The following GNA14 variants were observed in gnomAD, a reference collection of about 807,000 sequenced individuals.
The protein encoded by GNA14 is G protein subunit alpha 14.
Under a neutral mutation model 42.0 loss-of-function variants are expected in GNA14, and 50 were observed. That is an observed-to-expected ratio of 1.19 (90% CI 0.95 to 1.51). GNA14 has a LOEUF of 1.51. GNA14 is among the 40% of genes most tolerant of loss of function. The pLI is 0.00. For synonymous variants in GNA14, 173 were observed against 163.1 expected (o/e 1.06, Z -0.46); for missense variants, 473 against 446.2 (o/e 1.06, Z -0.54).
chr9:77,430,466 T>G (rs945585543), intron 4 of GNA14, among the ~76,000 whole-genome samples: 15 of 152,192 alleles, frequency 9.9e-5, no homozygotes, highest in African/African-American at 3.6e-4. Flanking sequence ...TTAGAGAAAT[T>G]CATGGGCACA....
chr9:77,618,383 A>T (rs1037437883), intron 1 of GNA14, among the ~76,000 whole-genome samples: 2 of 151,650 alleles, frequency 1.3e-5, no homozygotes, highest in African/African-American at 4.8e-5. Flanking sequence ...CTAGAATTTC[A>T]GATCTAAGGT....
intron 2 of GNA14, among the ~76,000 whole-genome samples, chr9:77,488,012 T>C (rs1350034346): frequency 6.6e-6 from 1 of 152,120 alleles, no homozygotes; most frequent in East Asian, 1.9e-4. Context: ...AAAAAGGTCA[T>C]TGATAATGTG....
chr9:77,452,581 T>TGTG (rs1835924718), intron 2 of GNA14, among the ~76,000 whole-genome samples: 2 of 2,406 alleles, frequency 8.3e-4, no homozygotes, highest in Non-Finnish European at 2.0e-3. Context: ...TATGTGCATG[T>TGTG]GTATGTGTGT....
intron 1 of GNA14, among the ~76,000 whole-genome samples, chr9:77,637,304 C>G (rs1393121872): frequency 6.6e-6 from 1 of 152,156 alleles, no homozygotes; most frequent in African/African-American, 2.4e-5. Flanking sequence ...ATCACTGTCT[C>G]CTTTACCTTG....
chr9:77,534,406 A>C (rs1587821149), intron 1 of GNA14, among the ~76,000 whole-genome samples: 1 of 152,180 alleles, frequency 6.6e-6, no homozygotes, highest in Non-Finnish European at 1.5e-5. Context: ...AAGCAACATA[A>C]ATCTTTCCCA....
intron 2 of GNA14, among the ~76,000 whole-genome samples, chr9:77,463,630 A>T (rs964601209): frequency 2.6e-5 from 4 of 152,250 alleles, no homozygotes; most frequent in African/African-American, 9.6e-5. Context: ...CAAAGAACAC[A>T]TGTAGTTTCT....
intron 2 of GNA14, among the ~76,000 whole-genome samples, chr9:77,440,543 A>T (rs935490584): frequency 2.0e-5 from 3 of 152,238 alleles, no homozygotes; most frequent in African/African-American, 7.2e-5. Flanking sequence ...ATTTCTATTT[A>T]CTTATATTTT....
At chr9:77,525,909 T>TTTAA (rs1491441006) in intron 2 of GNA14, among the ~76,000 whole-genome samples, 49 of 141,510 alleles carry the variant, frequency 3.5e-4, no homozygotes, top group South Asian at 6.8e-4. Context: ...GGACTTTTTT[T>TTTAA]AAAAAAAAAA....
chr9:77,444,567 A>T (rs912469377), intron 2 of GNA14, among the ~76,000 whole-genome samples: 1 of 152,060 alleles, frequency 6.6e-6, no homozygotes, highest in African/African-American at 2.4e-5. Flanking sequence ...CCTGCTTTGC[A>T]TCCCCGTTTT....
chr9:77,458,092 T>C lies in GNA14; in HGVS notation c.310-23570A>G, dbSNP rs534542991. Among the ~76,000 whole-genome samples, 3 of 152,306 alleles carry C rather than the reference T, an allele frequency of 2.0e-5. No individual in the cohort carries two copies. In the East Asian group the frequency reaches 5.8e-4, roughly 29 times the overall value. ...GCATTTCTGCCTGGGATCGGGATCATAATGAGGGGAACAGGGCACTCCAGA... is the reference window on the plus strand; with the variant it reads ...GCATTTCTGCCTGGGATCGGGATCACAATGAGGGGAACAGGGCACTCCAGA... On this transcript the variant is annotated intron_variant, in intron 2 of 6. Transcript: ENST00000341700.
chr9:77,472,106 T>C (rs941942015), intron 2 of GNA14, among the ~76,000 whole-genome samples: 1 of 152,086 alleles, frequency 6.6e-6, no homozygotes, highest in African/African-American at 2.4e-5. Flanking sequence ...ACCAACTCCA[T>C]ACAGCTTTGC....
chr9:77,579,738 A>G (rs567308593), intron 1 of GNA14, among the ~76,000 whole-genome samples: 1 of 152,108 alleles, frequency 6.6e-6, no homozygotes, highest in African/African-American at 2.4e-5. Context: ...CTGCTGACTC[A>G]TTTATTTAAG....
intron 1 of GNA14, among the ~76,000 whole-genome samples, chr9:77,542,266 A>T (rs961775410): frequency 6.6e-6 from 1 of 152,196 alleles, no homozygotes; most frequent in Non-Finnish European, 1.5e-5. Flanking sequence ...TTTTGGGTGC[A>T]TGCAGTTAGT....
intron 1 of GNA14, among the ~76,000 whole-genome samples, chr9:77,591,706 T>C (rs575225628): frequency 1.3e-5 from 2 of 152,324 alleles, no homozygotes; most frequent in Admixed American, 1.3e-4. Flanking sequence ...TCCAGATTAT[T>C]GTTCTATCTG....
intron 1 of GNA14, among the ~76,000 whole-genome samples, chr9:77,642,446 G>A (rs1040264918): frequency 6.6e-6 from 1 of 152,118 alleles, no homozygotes; most frequent in Non-Finnish European, 1.5e-5. Flanking sequence ...ATTTTAGAGT[G>A]AACACAATAC....
At chr9:77,487,882 C>T (rs778884756) in intron 2 of GNA14, among the ~76,000 whole-genome samples, 3 of 152,208 alleles carry the variant, frequency 2.0e-5, no homozygotes, top group Non-Finnish European at 4.4e-5. Context: ...ATCTCACTGT[C>T]TCACAGAGTT....
chr9:77,517,554 T>C (rs899529443), intron 2 of GNA14: 1 of 150,846 alleles, frequency 6.6e-6, no homozygotes. Context: ...TGTATGTGTA[T>C]GTATGTGTAT....
chr9:77,438,135 T>C (rs1412103980), intron 2 of GNA14, among the ~76,000 whole-genome samples: 2 of 152,172 alleles, frequency 1.3e-5, no homozygotes, highest in Non-Finnish European at 2.9e-5. Flanking sequence ...AGAATCTGGC[T>C]TGAAAGAAGC....
Position 77,529,126 on chromosome 9 carries a change from T to G in GNA14, c.252A>C (p.Gln84His). The G allele has an allele frequency of 6.2e-7, 1 of 1,614,214 alleles. No individual in the cohort carries two copies. Among genetic ancestry groups the G allele is most frequent in the South Asian group, 1.1e-5 (1 of 91,086 alleles). ...LVYQNIFTAM[Q>H]AMIRAMDTLR... ...GCGTGTCCATCGCTCTGATCATGGC[T>G]TGCATGGCGGTGAATATGTTTTGGT... Residue 84 changes from glutamine to histidine, a missense_variant, in exon 2 of 7, where the codon CAA (glutamine) becomes CAC (histidine). Coordinates refer to ENST00000341700, the MANE Select transcript of GNA14 (RefSeq NM_004297.4).
Sources: gnomAD v4.1 joint callset for allele counts (sites outside exome capture counted in the v4.1 genomes callset) on GRCh38, gnomAD v4.1.1 for gene constraint, MANE v1.5 for transcripts, NCBI Gene and HGNC (gene_info 2026-07-23, HGNC 2026-07-21) for gene names.